Variants in DLG2 observed in about 807,000 individuals in gnomAD.
DLG2 encodes discs large MAGUK scaffold protein 2, also known as disks large homolog 2.
Under a neutral mutation model 132.5 loss-of-function variants are expected in DLG2, and 45 were observed. That is an observed-to-expected ratio of 0.34 (90% CI 0.27 to 0.44). DLG2 has a LOEUF of 0.44. Ranked by LOEUF, DLG2 falls within the 20% of genes least tolerant of loss-of-function variation. The probability of loss-of-function intolerance (pLI) is 1.00; values close to 1 mark genes in which losing one functional copy is unlikely to be tolerated. For synonymous variants in DLG2, 424 were observed against 419.6 expected (o/e 1.01, Z -0.13); for missense variants, 1,045 against 1,196.9 (o/e 0.87, Z 1.87).
intron 7 of DLG2, among the ~76,000 whole-genome samples, chr11:84,357,593 A>G (rs1437788573): frequency 2.0e-5 from 3 of 152,056 alleles, no homozygotes; most frequent in East Asian, 3.9e-4. Context: ...GAATGAACAA[A>G]TAAATTGTAC....
At chr11:84,568,618 T>C (rs1276917929) in intron 6 of DLG2, among the ~76,000 whole-genome samples, 1 of 152,184 alleles carries the variant, frequency 6.6e-6, no homozygotes, top group Non-Finnish European at 1.5e-5. Context: ...TCTAGATGGC[T>C]AGTATCTATG....
chr11:85,391,847 A>C (rs2086824692), intron 3 of DLG2, among the ~76,000 whole-genome samples: 1 of 152,266 alleles, frequency 6.6e-6, no homozygotes, highest in Admixed American at 6.5e-5. Flanking sequence ...ACTGGGGAAA[A>C]GTTGAAAGCA....
intron 7 of DLG2, among the ~76,000 whole-genome samples, chr11:84,349,100 A>G (rs1443325052): frequency 6.6e-6 from 1 of 152,058 alleles, no homozygotes; most frequent in Non-Finnish European, 1.5e-5. Flanking sequence ...CAATTAGATT[A>G]CCTCCCGGTT....
At chr11:84,607,699 C>T (rs973280105) in intron 6 of DLG2, among the ~76,000 whole-genome samples, 2 of 151,886 alleles carry the variant, frequency 1.3e-5, no homozygotes, top group Non-Finnish European at 2.9e-5. Context: ...TTTACCTCCT[C>T]CTATCTCTGA....
intron 18 of DLG2, among the ~76,000 whole-genome samples, chr11:83,778,108 A>T (rs2094660527): frequency 6.6e-6 from 1 of 151,180 alleles, no homozygotes; most frequent in South Asian, 2.1e-4. Context: ...GGCACCCAGA[A>T]TATAGAGTGA....
Position 85,082,553 on chromosome 11 carries a change from TA to T in DLG2, c.357+29107del, listed in dbSNP as rs1181991510. Among the ~76,000 whole-genome samples, 5 of 152,112 alleles carry T rather than the reference TA, an allele frequency of 3.3e-5. 1 individual carries two copies. Among genetic ancestry groups the T allele is most frequent in the Admixed American group, 2.0e-4 (3 of 15,256 alleles). Reference sequence around the variant, plus strand: ...CCTAAAAAGAGGTAAGTTGCACCTTTATATGAGTTCTTTAAGGGGTCAGAGT... The same window carrying T: ...CCTAAAAAGAGGTAAGTTGCACCTTTTATGAGTTCTTTAAGGGGTCAGAGT... On this transcript the variant is annotated intron_variant, in intron 6 of 27. Coordinates refer to ENST00000376104, the MANE Select transcript of DLG2 (RefSeq NM_001142699.3).
chr11:84,681,987 A>G (rs1306473288), intron 6 of DLG2, among the ~76,000 whole-genome samples: 1 of 152,124 alleles, frequency 6.6e-6, no homozygotes, highest in Non-Finnish European at 1.5e-5. Flanking sequence ...ATATACAGAG[A>G]TCACATGGTG....
chr11:85,471,150 A>T (rs2092971981), intron 3 of DLG2, among the ~76,000 whole-genome samples: 1 of 152,208 alleles, frequency 6.6e-6, no homozygotes, highest in Non-Finnish European at 1.5e-5. Flanking sequence ...TTCCTGGTAC[A>T]TGTAGAATGA....
intron 2 of DLG2, among the ~76,000 whole-genome samples, chr11:85,599,022 CA>C (rs532837603): frequency 6.6e-6 from 1 of 152,064 alleles, no homozygotes; most frequent in Non-Finnish European, 1.5e-5. Context: ...TAAAACAAAA[CA>C]AAGAATTCAA....
At chr11:83,588,520 T>C (rs1593909654) in intron 19 of DLG2, among the ~76,000 whole-genome samples, 1 of 151,946 alleles carries the variant, frequency 6.6e-6, no homozygotes, top group South Asian at 2.1e-4. Context: ...CAAAAGTAGA[T>C]AAAACCACAA....
chr11:84,671,909 A>T (rs1346669900), intron 6 of DLG2, among the ~76,000 whole-genome samples: 1 of 152,012 alleles, frequency 6.6e-6, no homozygotes, highest in Non-Finnish European at 1.5e-5. Flanking sequence ...TTCCTCTTGT[A>T]TTTGCATTTC....
chr11:84,729,852 T>TC (rs1353369729), intron 6 of DLG2, among the ~76,000 whole-genome samples: 1 of 151,924 alleles, frequency 6.6e-6, no homozygotes, highest in African/African-American at 2.4e-5. Flanking sequence ...CTGACCCAGC[T>TC]CCCCTCCCTG....
chr11:83,804,143 C>A (rs111497742), intron 17 of DLG2, among the ~76,000 whole-genome samples: 3 of 152,172 alleles, frequency 2.0e-5, no homozygotes, highest in African/African-American at 7.2e-5. Flanking sequence ...ACTCTTAAGT[C>A]CCCTCTTCCC....
chr11:83,978,233 G>C (rs988165473), intron 12 of DLG2, among the ~76,000 whole-genome samples: 2 of 151,268 alleles, frequency 1.3e-5, no homozygotes, highest in African/African-American at 4.9e-5. Context: ...CAAGAAATAA[G>C]CACATAGCAT....
intron 3 of DLG2, among the ~76,000 whole-genome samples, chr11:85,392,516 T>C (rs545499526): frequency 6.6e-6 from 1 of 151,312 alleles, no homozygotes; most frequent in East Asian, 1.9e-4. Flanking sequence ...AAGAGGAACA[T>C]TATATAATGA....
chr11:83,902,242 A>G (rs1565567164), intron 15 of DLG2, among the ~76,000 whole-genome samples: 1 of 152,200 alleles, frequency 6.6e-6, no homozygotes, highest in Non-Finnish European at 1.5e-5. Flanking sequence ...TTGTTCTGGA[A>G]TATCCCTCCC....
intron 6 of DLG2, among the ~76,000 whole-genome samples, chr11:84,915,690 C>T (rs1051551810): frequency 3.3e-5 from 5 of 152,086 alleles, no homozygotes; most frequent in Non-Finnish European, 7.4e-5. Context: ...ATTAATTAAT[C>T]TTAATTTTTC....
At chr11:83,817,548 T>C (rs2049379034) in intron 17 of DLG2, among the ~76,000 whole-genome samples, 1 of 152,278 alleles carries the variant, frequency 6.6e-6, no homozygotes, top group Admixed American at 6.5e-5. Context: ...GCCTTTAATT[T>C]TAATTTCTGA....
chr11:85,162,097 G>A (rs1035449281), intron 4 of DLG2, among the ~76,000 whole-genome samples: 9 of 152,104 alleles, frequency 5.9e-5, no homozygotes, highest in African/African-American at 2.2e-4. Context: ...GACACTTTGG[G>A]CTCCTCCCAC....
Sources: allele counts gnomAD v4.1 joint callset (sites outside exome capture counted in the v4.1 genomes callset), GRCh38; gene constraint gnomAD v4.1.1; transcripts MANE v1.5; gene names NCBI Gene and HGNC (gene_info 2026-07-23, HGNC 2026-07-21).